The following ARL8A variants were observed in gnomAD, a reference collection of about 807,000 sequenced individuals.
ARL8A encodes the protein ARF like GTPase 8A.
ARL8A carries 10 observed loss-of-function variants against 31.2 expected under a neutral mutation model. That is an observed-to-expected ratio of 0.32 (90% CI 0.20 to 0.54). The LOEUF is 0.54. ARL8A is among the 20% of genes least tolerant of loss of function. ARL8A has a pLI of 0.93. For missense variants in ARL8A, 129 were observed against 242.8 expected, an observed-to-expected ratio of 0.53 and a Z score of 3.12; for synonymous variants, 70 against 86.9, an observed-to-expected ratio of 0.81 and a Z score of 1.08.
chr1:202,137,881 C>T (rs1655055253), intron 3 of ARL8A, 84 bp downstream of exon 3: 6 of 1,446,766 alleles, frequency 4.1e-6, no homozygotes, highest in Non-Finnish European at 5.8e-6. Flanking sequence ...CTAATAAAAC[C>T]CTGCGCCTCT....
chr1:202,137,614 G>T (rs1053724140), intron 3 of ARL8A, among the ~76,000 whole-genome samples: 2 of 145,664 alleles, frequency 1.4e-5, no homozygotes, highest in Non-Finnish European at 3.0e-5. Context: ...GGCAACAAGA[G>T]CGAAACTCCG....
rs191620658 is a variant in ARL8A at position 202,136,558 on chromosome 1, C to T, written c.279-758G>A. 1.8e-4 allele frequency among the ~76,000 whole-genome samples: 28 copies of T among 152,120 alleles called. No homozygotes were observed. The East Asian group carries it at 5.4e-3, about 29-fold the overall frequency. Reference sequence around the variant, plus strand: ...GCTCCCAAAGTGCTGGGATTACAGGCATGAGCCACCGCATCCAGCCTATTA... The same window carrying T: ...GCTCCCAAAGTGCTGGGATTACAGGTATGAGCCACCGCATCCAGCCTATTA... On this transcript the variant is annotated intron_variant, in intron 3 of 6. Transcript: ENST00000272217.
At chr1:202,137,886 G>A (rs766892964) in intron 3 of ARL8A, 79 bp downstream of exon 3, 553 of 1,462,096 alleles carry the variant, frequency 3.8e-4, no homozygotes, top group Non-Finnish European at 4.8e-4. Context: ...AAAACCCTGC[G>A]CCTCTGAGGT....
At chr1:202,142,109 A>ATTC (rs1655179527) in intron 1 of ARL8A, among the ~76,000 whole-genome samples, 2 of 151,234 alleles carry the variant, frequency 1.3e-5, no homozygotes, top group South Asian at 4.1e-4. Context: ...CTCAGGTGAA[A>ATTC]CCCCCACTTT....
At chr1:202,143,707 C>G (rs998927591) in intron 1 of ARL8A, among the ~76,000 whole-genome samples, 16 of 152,378 alleles carry the variant, frequency 1.1e-4, no homozygotes, top group African/African-American at 3.8e-4. Context: ...GAGCCACTCT[C>G]CCAAGGCCCC....
chr1:202,142,957 C>T (rs1310088564), intron 1 of ARL8A, among the ~76,000 whole-genome samples: 1 of 152,102 alleles, frequency 6.6e-6, no homozygotes, highest in Non-Finnish European at 1.5e-5. Context: ...AGGTCAGAGT[C>T]CAGGTGTTAT....
At chr1:202,142,231 A>T (rs1369482304) in intron 1 of ARL8A, among the ~76,000 whole-genome samples, 8 of 152,258 alleles carry the variant, frequency 5.3e-5, no homozygotes, top group African/African-American at 1.9e-4. Context: ...CCTGCTGAGC[A>T]GCTAGACACA....
chr1:202,137,953 C>T lies in ARL8A; in HGVS notation c.278+12G>A. 2 of 1,614,008 alleles carry T rather than the reference C, an allele frequency of 1.2e-6. No homozygotes were observed. Among genetic ancestry groups the T allele is most frequent in the East Asian group, 4.5e-5 (2 of 44,890 alleles). On this transcript the variant is annotated intron_variant, in intron 3 of 6. Coordinates refer to ENST00000272217, the MANE Select transcript of ARL8A (RefSeq NM_138795.4). ...TAAGGCTGGAGTCTGGCGATGCCTC[C>T]CGTGTACTTACACGATGGCGCTCAC...
At position 202,138,294 on chromosome 1, in the gene ARL8A, A is replaced by AACACACACACACAC. The variant is rs10531175; in HGVS notation, c.204+60_204+73dup. 9.2e-4 allele frequency: 1,230 copies of AACACACACACACAC among 1,337,680 alleles called. 11 individuals carry two copies. The African/African-American group carries it at 0.015, about 17-fold the overall frequency. The allele number at this position is 1,337,680 out of a possible 1,614,324, so 82.9% of individuals were successfully genotyped here. ...CCCAGGGGCCTCCGTTGCCCTCCCCAACACACACACACACACACACACACA... is the reference window on the plus strand; with the variant it reads ...CCCAGGGGCCTCCGTTGCCCTCCCCAACACACACACACACACACACACACACACACACACACACA... On this transcript the variant is annotated intron_variant, in intron 2 of 6. Coordinates refer to ENST00000272217, the MANE Select transcript of ARL8A (RefSeq NM_138795.4). This position sits in a 1 kb window ranked among gnomAD's most constrained non-coding sequence, Gnocchi z 4.4.
At position 202,136,440 on chromosome 1, in the gene ARL8A, C is replaced by T. The variant is rs959189308; in HGVS notation, c.279-640G>A. On this transcript the variant is annotated intron_variant, in intron 3 of 6. Coordinates refer to ENST00000272217, the MANE Select transcript of ARL8A (RefSeq NM_138795.4). ...GACTACAGGCACATGCCGCCACGCC[C>T]GGCTAATTTTTTGTATTTTTAGCAG... 4.6e-5 allele frequency among the ~76,000 whole-genome samples: 7 copies of T among 152,116 alleles called. 1 individual carries two copies. The highest frequency in any genetic ancestry group is 2.1e-4 in the South Asian group (1 of 4,832).
intron 1 of ARL8A, among the ~76,000 whole-genome samples, chr1:202,141,488 A>G (rs1032681298): frequency 6.6e-6 from 1 of 151,944 alleles, no homozygotes; most frequent in Non-Finnish European, 1.5e-5. Context: ...CTAAAAATAC[A>G]AAAATTAGCC....
In ARL8A at chr1:202,135,446, T is replaced by A. The variant is rs1206526824; in HGVS notation, c.440+13A>T. The A allele has an allele frequency of 6.2e-7, 1 of 1,613,118 alleles. No homozygotes were observed. ...TGGGAGAGCAGAAAGTAATATAGAG[T>A]CACCCAACTCACATTTTCTCAATCA... On this transcript the variant is annotated intron_variant, in intron 5 of 6. Transcript: ENST00000272217. The surrounding 1 kb of genome is among the most constrained non-coding windows in gnomAD (Gnocchi z 5.3).
intron 3 of ARL8A, among the ~76,000 whole-genome samples, chr1:202,136,754 A>G (rs1369297103): frequency 6.6e-6 from 1 of 152,114 alleles, no homozygotes; most frequent in Non-Finnish European, 1.5e-5. Context: ...ACTTTTGTAG[A>G]GATAGGGTTG....
chr1:202,143,242 T>A (rs2147814602), intron 1 of ARL8A, among the ~76,000 whole-genome samples: 1 of 152,310 alleles, frequency 6.6e-6, no homozygotes, highest in Non-Finnish European at 1.5e-5. Context: ...CCCCTCGAGC[T>A]TTCCATCTGC....
intron 1 of ARL8A, among the ~76,000 whole-genome samples, chr1:202,140,752 G>C (rs1655145413): frequency 6.6e-6 from 1 of 152,184 alleles, no homozygotes; most frequent in African/African-American, 2.4e-5. Context: ...GCTAAGCAGG[G>C]AGAATTAAGT....
chr1:202,133,520 A>T lies in ARL8A; in HGVS notation c.*947T>A, dbSNP rs1472691075. On this transcript the variant is annotated 3_prime_UTR_variant, in exon 7 of 7. Transcript: ENST00000272217. Reference sequence around the variant, plus strand: ...AGGTTAAATATGAGCTGAAAAGTGTAAAAAAGGAAGAGGAACATCACTTTA... The same window carrying T: ...AGGTTAAATATGAGCTGAAAAGTGTTAAAAAGGAAGAGGAACATCACTTTA... 6.6e-6 allele frequency: 1 copy of T among 152,270 alleles called. No homozygotes were observed. The highest frequency in any genetic ancestry group is 1.5e-5 in the Non-Finnish European group (1 of 68,060). The allele number at this position is 152,270 out of a possible 1,614,324, so 9.4% of individuals were successfully genotyped here.
rs1302528232 is a variant in ARL8A, at chr1:202,135,716, C to G, written c.363G>C (p.Gln121His). ...LHNLLDKPQL[Q>H]GIPVLVLGNK... ...CCTCAGGTCTGCTGACCGGGATGCC[C>G]TGCAGCTGAGGTTTGTCCAGTAGGT... Residue 121 changes from glutamine (Q) to histidine (H), a missense_variant, in exon 4 of 7, where the codon CAG becomes CAC. By Grantham distance (24) the Gln-to-His change is conservative. Coordinates refer to ENST00000272217, the MANE Select transcript of ARL8A (RefSeq NM_138795.4). The surrounding 1 kb of genome is among the most constrained non-coding windows in gnomAD (Gnocchi z 5.3). 4.3e-6 allele frequency: 7 copies of G among 1,613,894 alleles called. No homozygotes were observed. Among genetic ancestry groups the G allele is most frequent in the Non-Finnish European group, 5.1e-6 (6 of 1,179,902 alleles).
In ARL8A at chr1:202,135,392, C is replaced by G; in HGVS notation, c.440+67G>C. 5 of 1,568,636 alleles carry G rather than the reference C, an allele frequency of 3.2e-6. No individual in the cohort carries two copies. Among genetic ancestry groups the G allele is most frequent in the Non-Finnish European group, 3.5e-6 (4 of 1,138,704 alleles). On this transcript the variant is annotated intron_variant, in intron 5 of 6. Coordinates refer to ENST00000272217, the MANE Select transcript of ARL8A (RefSeq NM_138795.4). This position sits in a 1 kb window ranked among gnomAD's most constrained non-coding sequence, Gnocchi z 5.3. The stretch of plus-strand genomic sequence containing the variant: ...GCTAATACTAAGAACAGCAGCAAGC[C>G]TAGGCTGTTGGTCTGGTGGTTGGGG...
chr1:202,134,184 G>A lies in ARL8A; in HGVS notation c.*283C>T, dbSNP rs141523342. The A allele has an allele frequency of 2.3e-5, 11 of 486,874 alleles. No individual in the cohort carries two copies. Among genetic ancestry groups the A allele is most frequent in the African/African-American group, 5.8e-5 (3 of 51,414 alleles). 30.2% of individuals were successfully genotyped at this position (486,874 alleles called of 1,614,324 possible). A position where few individuals can be genotyped will look rare whatever the true frequency, so the allele number is the denominator to read the frequency against. On this transcript the variant is annotated 3_prime_UTR_variant, in exon 7 of 7. Coordinates refer to ENST00000272217, the MANE Select transcript of ARL8A (RefSeq NM_138795.4). This position sits in a 1 kb window ranked among gnomAD's most constrained non-coding sequence, Gnocchi z 4.2. ...AGCGGGCCGGGGAAAAGCCAGGGGCGGGGGCTGTGGCCCAGGGCTGCTGGG... is the reference window on the plus strand; with the variant it reads ...AGCGGGCCGGGGAAAAGCCAGGGGCAGGGGCTGTGGCCCAGGGCTGCTGGG...
Sources: gnomAD v4.1 joint callset for allele counts (sites outside exome capture counted in the v4.1 genomes callset) on GRCh38, gnomAD v4.1.1 for gene constraint, Gnocchi (gnomAD v3.1) non-coding constraint, MANE v1.5 for transcripts, NCBI Gene and HGNC (gene_info 2026-07-23, HGNC 2026-07-21) for gene names.